Variants in COL4A1 observed in about 807,000 individuals in gnomAD.
The protein encoded by COL4A1 is collagen alpha-1(IV) chain.
In COL4A1, 40 loss-of-function variants were observed where a neutral mutation model predicts 216.6. That is an observed-to-expected ratio of 0.18 (90% confidence interval 0.14 to 0.24). COL4A1 has a LOEUF of 0.24. Among genes scored for constraint, COL4A1 ranks in the 10% least tolerant of loss-of-function variants. COL4A1 has a pLI of 1.00. For synonymous variants in COL4A1, 839 were observed against 810.7 expected (o/e 1.03, Z -0.59); for missense variants, 1,628 against 2,196.8 (o/e 0.74, Z 5.18).
At chr13:110,237,575 C>T (rs1881377871) in intron 2 of COL4A1, among the ~76,000 whole-genome samples, 1 of 152,178 alleles carries the variant, frequency 6.6e-6, no homozygotes, top group Admixed American at 6.5e-5. Flanking sequence ...TGGAAAAAGC[C>T]CGGGCTGGTT....
chr13:110,174,921 T>G (rs2139160663), intron 37 of COL4A1, among the ~76,000 whole-genome samples, 172 bp from the exon 38 acceptor site: 1 of 152,328 alleles, frequency 6.6e-6, no homozygotes, highest in East Asian at 1.9e-4. Context: ...AGAGGAAAAC[T>G]TAAGAGCAGT....
At chr13:110,255,382 G>C (rs1486999682) in intron 1 of COL4A1, among the ~76,000 whole-genome samples, 1 of 150,816 alleles carries the variant, frequency 6.6e-6, no homozygotes, top group Non-Finnish European at 1.5e-5. Context: ...TTGCCCTTGG[G>C]GATGGGAGCT....
At chr13:110,284,258 G>A (rs1883752356) in intron 1 of COL4A1, among the ~76,000 whole-genome samples, 1 of 152,116 alleles carries the variant, frequency 6.6e-6, no homozygotes, top group Non-Finnish European at 1.5e-5. Context: ...GTCACAAGCA[G>A]AGCTAAGCTG....
At chr13:110,275,389 G>C in intron 1 of COL4A1, among the ~76,000 whole-genome samples, 1 of 152,170 alleles carries the variant, frequency 6.6e-6, no homozygotes, top group East Asian at 1.9e-4. Context: ...CTGAAACCCA[G>C]AACAGTGACA....
Position 110,206,712 on chromosome 13 carries a change from T to C in COL4A1, c.811A>G (p.Met271Val), listed in dbSNP as rs759968616. The change falls in exon 15 of 52, where the codon ATG (methionine) becomes GTG (valine). Residue 271 changes from methionine to valine, a missense_variant. Met to Val is a conservative substitution (Grantham distance 21). Coordinates refer to ENST00000375820, the MANE Select transcript of COL4A1 (RefSeq NM_001845.6). ...GQKGEPGFQG[M>V]PGVGEKGEPG... is the part of the protein sequence containing the mutation. Reference sequence around the variant, plus strand: ...TCACCTTTCTCTCCGACCCCTGGCATCCCCTTAAAGGAATAAAAAGACAAA... The same window carrying C: ...TCACCTTTCTCTCCGACCCCTGGCACCCCCTTAAAGGAATAAAAAGACAAA... 12 of 1,614,162 alleles carry C rather than the reference T, an allele frequency of 7.4e-6. No homozygotes were observed. In the South Asian group the frequency reaches 1.1e-4, roughly 15 times the overall value.
intron 24 of COL4A1, among the ~76,000 whole-genome samples, chr13:110,188,082 T>C (rs1878478892): frequency 6.6e-6 from 1 of 152,158 alleles, no homozygotes; most frequent in Non-Finnish European, 1.5e-5. Flanking sequence ...AGAACACCCA[T>C]ACCCACCAAT....
intron 1 of COL4A1, among the ~76,000 whole-genome samples, chr13:110,263,734 A>T (rs1882919426): frequency 6.6e-6 from 1 of 152,232 alleles, no homozygotes; most frequent in Non-Finnish European, 1.5e-5. Context: ...TATTAAATGA[A>T]AATGTAAATT....
chr13:110,179,777 C>T (rs117576467), intron 29 of COL4A1, among the ~76,000 whole-genome samples: 2,932 of 152,260 alleles, frequency 0.019, 39 homozygotes, highest in Non-Finnish European at 0.027. Flanking sequence ...CGGTAAAATG[C>T]CAAATATGAT....
chr13:110,299,433 G>T (rs988123607), intron 1 of COL4A1, among the ~76,000 whole-genome samples: 2 of 152,218 alleles, frequency 1.3e-5, no homozygotes, highest in Non-Finnish European at 2.9e-5. Context: ...TCATTACTTT[G>T]CTGTTTATGC....
In COL4A1 at chr13:110,179,399, G is replaced by T. The variant is rs778390847; in HGVS notation, c.2216C>A (p.Pro739Gln). Residue 739 changes from proline (P) to glutamine (Q), a missense_variant, in exon 30 of 52, where the codon CCG becomes CAG. By Grantham distance (76) the Pro-to-Gln change is moderately conservative. Transcript: ENST00000375820. ...AAGACCTGGCAAACCTTTGAGTCCC[G>T]GTAGACCAACTCCAGGCTCTCCCTG... ...GQKGEPGVGL[P>Q]GLKGLPGLPG... 1 of 1,614,036 alleles carries T rather than the reference G, an allele frequency of 6.2e-7. No homozygotes were observed. Among genetic ancestry groups the T allele is most frequent in the African/African-American group, 1.3e-5 (1 of 74,984 alleles).
chr13:110,150,245 C>T lies in COL4A1; in HGVS notation c.*118G>A, dbSNP rs1876435316. ...TAGTTACGCAAATTCCTATAAGGCA[C>T]TTTACGGTTTTCATATTGGACAGTG... On this transcript the variant is annotated 3_prime_UTR_variant, in exon 52 of 52. Transcript: ENST00000375820. The T allele has an allele frequency of 4.1e-6, 4 of 982,986 alleles. No individual in the cohort carries two copies. The highest frequency in any genetic ancestry group is 1.6e-5 in the African/African-American group (1 of 62,374). 60.9% of individuals were successfully genotyped at this position (982,986 alleles called of 1,614,324 possible). A position where few individuals can be genotyped will look rare whatever the true frequency, so the allele number is the denominator to read the frequency against.
intron 1 of COL4A1, among the ~76,000 whole-genome samples, chr13:110,256,888 G>A (rs1882602674): frequency 6.6e-6 from 1 of 151,930 alleles, no homozygotes; most frequent in African/African-American, 2.4e-5. Context: ...TTCACAGAGG[G>A]ACTATTAAAT....
intron 1 of COL4A1, among the ~76,000 whole-genome samples, chr13:110,269,516 TATG>T (rs1883164858): frequency 1.3e-5 from 2 of 152,154 alleles, no homozygotes; most frequent in Admixed American, 1.3e-4. Flanking sequence ...CTTATGTATT[TATG>T]ATGATCAGTG....
At chr13:110,198,416 A>G (rs1215392465) in intron 21 of COL4A1, 51 bp downstream of exon 21, 7 of 1,609,742 alleles carry the variant, frequency 4.3e-6, no homozygotes, top group East Asian at 2.2e-5. Flanking sequence ...TCTGCCCGGC[A>G]CCCTGGTGTC....
At chr13:110,263,987 A>G (rs1882927618) in intron 1 of COL4A1, among the ~76,000 whole-genome samples, 1 of 152,256 alleles carries the variant, frequency 6.6e-6, no homozygotes, top group South Asian at 2.1e-4. Flanking sequence ...ACTGTATCAA[A>G]AGAAAAAGTT....
intron 2 of COL4A1, among the ~76,000 whole-genome samples, chr13:110,232,554 C>T (rs1881110422): frequency 1.3e-5 from 2 of 152,174 alleles, no homozygotes; most frequent in Admixed American, 1.3e-4. Context: ...TTAAAATATA[C>T]ACTCTCATTT....
At chr13:110,304,196 C>T (rs1168822928) in intron 1 of COL4A1, among the ~76,000 whole-genome samples, 2 of 152,152 alleles carry the variant, frequency 1.3e-5, no homozygotes, top group South Asian at 2.1e-4. Context: ...ACCAATATCA[C>T]TCCTGAGATC....
chr13:110,237,504 C>A (rs543979186), intron 2 of COL4A1, among the ~76,000 whole-genome samples: 26 of 152,304 alleles, frequency 1.7e-4, no homozygotes, highest in Middle Eastern at 6.8e-3. Context: ...CGACATCCTA[C>A]AATGGACAGG....
chr13:110,187,481 A>T (rs1878453898), intron 24 of COL4A1, 152 bp from the exon 25 acceptor site: 2 of 868,206 alleles, frequency 2.3e-6, no homozygotes, highest in Admixed American at 2.2e-5. Context: ...GATGCAAGCC[A>T]GGAGCTCTGT....
Sources: gnomAD v4.1 joint callset for allele counts (sites outside exome capture counted in the v4.1 genomes callset) on GRCh38, gnomAD v4.1.1 for gene constraint, MANE v1.5 for transcripts, NCBI Gene and HGNC (gene_info 2026-07-23, HGNC 2026-07-21) for gene names.